DLG2: variants seen among roughly 807,000 people sequenced by gnomAD.
DLG2 encodes discs large MAGUK scaffold protein 2, also known as disks large homolog 2.
A neutral mutation model predicts 132.5 loss-of-function variants in DLG2; 45 were observed. The observed-to-expected ratio is 0.34, with a 90% CI of 0.27 to 0.44. The LOEUF (loss-of-function observed/expected upper bound fraction) is 0.44. Among genes scored for constraint, DLG2 ranks in the 20% least tolerant of loss-of-function variants. The probability of loss-of-function intolerance (pLI) is 1.00; values close to 1 mark genes in which losing one functional copy is unlikely to be tolerated. For synonymous variants in DLG2, 424 were observed against 419.6 expected (o/e 1.01, Z -0.13); for missense variants, 1,045 against 1,196.9 (o/e 0.87, Z 1.87).
intron 8 of DLG2, among the ~76,000 whole-genome samples, chr11:84,228,731 A>T (rs1307072373): frequency 1.3e-5 from 2 of 152,216 alleles, no homozygotes; most frequent in Non-Finnish European, 2.9e-5. Flanking sequence ...ATCCAGAAAA[A>T]AAATTTAAAG....
rs117014634 is a variant in DLG2 at position 84,501,138 on chromosome 11, C to G, written c.519+33432G>C. Among the ~76,000 whole-genome samples the G allele has an allele frequency of 7.0e-3, 1,068 of 152,294 alleles. 4 individuals carry two copies. The highest frequency in any genetic ancestry group is 0.012 in the Admixed American group (183 of 15,300). ...GGATTTTTCTACTCTTATACTTCTT[C>G]CCACCCAACTACTCCAATATGGGGA... is the stretch of plus-strand genomic sequence containing the variant. On this transcript the variant is annotated intron_variant, in intron 7 of 27. Transcript: ENST00000376104.
intron 7 of DLG2, among the ~76,000 whole-genome samples, chr11:84,464,026 A>G (rs1208987652): frequency 6.6e-6 from 1 of 151,268 alleles, no homozygotes; most frequent in Non-Finnish European, 1.5e-5. Flanking sequence ...CAAAATTTCA[A>G]TCTAATTTTA....
chr11:85,163,449 T>C (rs531353545), intron 4 of DLG2, among the ~76,000 whole-genome samples: 1 of 152,082 alleles, frequency 6.6e-6, no homozygotes, highest in South Asian at 2.1e-4. Flanking sequence ...TAATAGAAAG[T>C]ATAGGAGGAG....
intron 6 of DLG2, among the ~76,000 whole-genome samples, chr11:84,810,698 C>A (rs2076459958): frequency 6.6e-6 from 1 of 152,042 alleles, no homozygotes; most frequent in South Asian, 2.1e-4. Context: ...ACTCAGACAA[C>A]CTCAGAGAGA....
intron 3 of DLG2, among the ~76,000 whole-genome samples, chr11:85,567,172 G>C (rs1349314229): frequency 6.6e-6 from 1 of 152,082 alleles, no homozygotes; most frequent in Non-Finnish European, 1.5e-5. Flanking sequence ...TCATAATTTT[G>C]TACGAATTTT....
chr11:85,470,566 T>C (rs943194223), intron 3 of DLG2, among the ~76,000 whole-genome samples: 3 of 151,938 alleles, frequency 2.0e-5, no homozygotes, highest in Admixed American at 1.3e-4. Flanking sequence ...CCACTAAAAA[T>C]ATAAAAGTTA....
At chr11:84,660,267 T>C (rs998306248) in intron 6 of DLG2, among the ~76,000 whole-genome samples, 7 of 152,112 alleles carry the variant, frequency 4.6e-5, no homozygotes, top group African/African-American at 1.7e-4. Flanking sequence ...AGGAACTGAG[T>C]GTAAAGGTCA....
chr11:85,381,674 C>G (rs996054152), intron 3 of DLG2, among the ~76,000 whole-genome samples: 3 of 151,650 alleles, frequency 2.0e-5, no homozygotes, highest in African/African-American at 7.3e-5. Context: ...GGATACAAGA[C>G]TAATACACAA....
At chr11:84,761,440 T>C (rs1405123696) in intron 6 of DLG2, among the ~76,000 whole-genome samples, 1 of 152,102 alleles carries the variant, frequency 6.6e-6, no homozygotes, top group Non-Finnish European at 1.5e-5. Context: ...TCTGTGAGGG[T>C]GTTGCCAAAG....
At chr11:83,832,026 T>A (rs1281895153) in intron 17 of DLG2, among the ~76,000 whole-genome samples, 1 of 152,124 alleles carries the variant, frequency 6.6e-6, no homozygotes, top group Non-Finnish European at 1.5e-5. Context: ...ATGGAATACT[T>A]AAATCCCAGC....
At position 84,863,042 on chromosome 11, in the gene DLG2, T is replaced by G. The variant is rs75761075; in HGVS notation, c.357+248619A>C. 2.0e-4 allele frequency among the ~76,000 whole-genome samples: 31 copies of G among 152,134 alleles called. No individual in the cohort carries two copies. In the East Asian group the frequency reaches 6.0e-3, roughly 30 times the overall value. On this transcript the variant is annotated intron_variant, in intron 6 of 27. Transcript: ENST00000376104. ...CTCTGCTTGCTATCCTTGTCTTCCC[T>G]AAGGAATTTATTAGCCAGTTCATGT...
intron 7 of DLG2, among the ~76,000 whole-genome samples, chr11:84,437,002 A>G (rs2099002829): frequency 6.6e-6 from 1 of 152,332 alleles, no homozygotes; most frequent in African/African-American, 2.4e-5. Flanking sequence ...CCACTTCAGA[A>G]CCAAAGATCA....
intron 3 of DLG2, among the ~76,000 whole-genome samples, chr11:85,349,723 C>A (rs1170001351): frequency 4.6e-5 from 7 of 152,094 alleles, no homozygotes; most frequent in African/African-American, 7.3e-5. Flanking sequence ...CATCCATTTC[C>A]TTGTAAAGGA....
chr11:84,928,841 C>T (rs998921253), intron 6 of DLG2, among the ~76,000 whole-genome samples: 2 of 150,154 alleles, frequency 1.3e-5, no homozygotes, highest in Admixed American at 1.3e-4. Flanking sequence ...ATTTATATAC[C>T]TGGAAGTGTA....
At chr11:85,122,102 C>A (rs1459717284) in intron 5 of DLG2, among the ~76,000 whole-genome samples, 1 of 152,130 alleles carries the variant, frequency 6.6e-6, no homozygotes, top group Non-Finnish European at 1.5e-5. Context: ...TCTGCCAGTA[C>A]CATGGTAAGT....
At chr11:84,688,100 T>C (rs556199978) in intron 6 of DLG2, among the ~76,000 whole-genome samples, 1 of 152,262 alleles carries the variant, frequency 6.6e-6, no homozygotes, top group Admixed American at 6.5e-5. Context: ...CTTAGCTAAA[T>C]AGAGACATCA....
chr11:85,472,257 G>T (rs150838768), intron 3 of DLG2, among the ~76,000 whole-genome samples: 1 of 152,096 alleles, frequency 6.6e-6, no homozygotes. Flanking sequence ...CTGCCTTCAG[G>T]TAGGGGCTAC....
intron 6 of DLG2, among the ~76,000 whole-genome samples, chr11:84,580,441 G>A (rs184235099): frequency 1.3e-5 from 2 of 152,298 alleles, no homozygotes; most frequent in African/African-American, 4.8e-5. Context: ...TGAGACGTGT[G>A]TTTGCCCTCC....
At chr11:84,561,633 C>A (rs1175198359) in intron 6 of DLG2, among the ~76,000 whole-genome samples, 1 of 152,034 alleles carries the variant, frequency 6.6e-6, no homozygotes, top group East Asian at 1.9e-4. Flanking sequence ...ATTTATAATT[C>A]CTCAATAAAT....
Sources: gnomAD v4.1 joint callset for allele counts (sites outside exome capture counted in the v4.1 genomes callset) on GRCh38, gnomAD v4.1.1 for gene constraint, MANE v1.5 for transcripts, NCBI Gene and HGNC (gene_info 2026-07-23, HGNC 2026-07-21) for gene names.